ARHGEF16: variants seen among roughly 807,000 people sequenced by gnomAD.
The protein encoded by ARHGEF16 is Rho guanine exchange factor (GEF) 16.
ARHGEF16 carries 59 observed loss-of-function variants against 74.1 expected under a neutral mutation model. That is an observed-to-expected ratio of 0.80 (90% CI 0.65 to 0.99). The LOEUF (loss-of-function observed/expected upper bound fraction) is 0.99, where lower values mean the gene tolerates loss of function less well. Among genes scored for constraint, ARHGEF16 ranks in the 50% least tolerant of loss-of-function variants. The pLI is 0.00. For synonymous variants in ARHGEF16, 415 were observed against 412.6 expected (o/e 1.01, Z -0.07); for missense variants, 948 against 986.6 (o/e 0.96, Z 0.52).
chr1:3,454,724 C>A lies in ARHGEF16; in HGVS notation c.-107C>A, dbSNP rs992842927. On this transcript the variant is annotated 5_prime_UTR_variant, in exon 1 of 15. Coordinates refer to ENST00000378378, the MANE Select transcript of ARHGEF16 (RefSeq NM_014448.4). Reference sequence around the variant, plus strand: ...GGGCCGGACCGCGCTGCCGCAGGAGCGAAGCGGCTGCAGGACAGGACAGGA... The same window carrying A: ...GGGCCGGACCGCGCTGCCGCAGGAGAGAAGCGGCTGCAGGACAGGACAGGA... 1 of 152,076 alleles carries A rather than the reference C, an allele frequency of 6.6e-6. No individual in the cohort carries two copies. The highest frequency in any genetic ancestry group is 1.5e-5 in the Non-Finnish European group (1 of 68,018). The allele number at this position is 152,076 out of a possible 1,614,324, so 9.4% of individuals were successfully genotyped here.
At chr1:3,475,901 C>T (rs1383727003) in intron 9 of ARHGEF16, 69 bp from the exon 10 acceptor site, 11 of 1,466,794 alleles carry the variant, frequency 7.5e-6, no homozygotes, top group Non-Finnish European at 9.2e-6. Flanking sequence ...CCTGGGCACA[C>T]TGTGGGCCGT....
intron 12 of ARHGEF16, among the ~76,000 whole-genome samples, chr1:3,479,042 AG>A (rs1639980424): frequency 6.6e-6 from 1 of 152,198 alleles, no homozygotes; most frequent in South Asian, 2.1e-4. Flanking sequence ...CCTGGCCGGT[AG>A]GGGCCAGTTC....
intron 13 of ARHGEF16, 49 bp downstream of exon 13, chr1:3,479,639 A>C: frequency 6.3e-7 from 1 of 1,594,302 alleles, no homozygotes; most frequent in South Asian, 1.1e-5. Context: ...CGTGGCTGGC[A>C]CTTTGGCCCC....
rs1421014462 is a variant in ARHGEF16 at position 3,473,095 on chromosome 1, A to G, written c.1040A>G (p.Glu347Gly). Residue 347 changes from glutamate to glycine, a missense_variant, in exon 7 of 15, where the codon GAG becomes GGG. Physicochemically the swap from Glu to Gly is moderately conservative, Grantham distance 98. Transcript: ENST00000378378. ...GASQRFFEDL[E>G]QRHKAQVLVE... Reference sequence around the variant, plus strand: ...GCCTTCAGGTTCTTCGAGGACCTGGAGCAGCGGCACAAGGCCCAGGTGCTG... The same window carrying G: ...GCCTTCAGGTTCTTCGAGGACCTGGGGCAGCGGCACAAGGCCCAGGTGCTG... 6.2e-7 allele frequency: 1 copy of G among 1,613,036 alleles called. No individual in the cohort carries two copies. The highest frequency in any genetic ancestry group is 8.5e-7 in the Non-Finnish European group (1 of 1,179,812).
chr1:3,475,879 C>A, intron 9 of ARHGEF16, 91 bp from the exon 10 acceptor site: 1 of 1,316,562 alleles, frequency 7.6e-7, no homozygotes. Context: ...CAGAGGCTGG[C>A]TGGGCAGGTG....
At chr1:3,468,586 TC>T (rs966932149) in intron 4 of ARHGEF16, 232 of 433,978 alleles carry the variant, frequency 5.3e-4, no homozygotes, top group Middle Eastern at 2.0e-3. Context: ...TGGGACAAGA[TC>T]CCCCCCCGCC....
chr1:3,467,047 C>G, intron 3 of ARHGEF16, 121 bp from the exon 4 acceptor site: 1 of 1,095,488 alleles, frequency 9.1e-7, no homozygotes, highest in Non-Finnish European at 1.3e-6. Context: ...CCTCCCAAAG[C>G]CTCCCTCTCC....
At chr1:3,460,018 G>T (rs886236185) in intron 1 of ARHGEF16, among the ~76,000 whole-genome samples, 1 of 152,238 alleles carries the variant, frequency 6.6e-6, no homozygotes, top group Admixed American at 6.5e-5. Context: ...GGTGCTCGTT[G>T]ACTTTTGAAA....
rs370949450 is a variant in ARHGEF16, at chr1:3,469,259, G to A, written c.862-174G>A. Among the ~76,000 whole-genome samples, 9 of 152,272 alleles carry A rather than the reference G, an allele frequency of 5.9e-5. No homozygotes were observed. In the South Asian group the frequency reaches 1.7e-3, roughly 28 times the overall value. ...CCAGCCAGGGGCATCCAGGGACGTC[G>A]GGCTGGCATCTCCAAGCTGGCCATT... On this transcript the variant is annotated intron_variant, in intron 5 of 14. Transcript: ENST00000378378.
chr1:3,471,909 A>G (rs532810145), intron 6 of ARHGEF16: 1 of 857,942 alleles, frequency 1.2e-6, no homozygotes, highest in East Asian at 1.2e-4. Flanking sequence ...CTGCTCATCC[A>G]GCAACCGAGG....
At chr1:3,479,437 G>T (rs1328164823) in intron 12 of ARHGEF16, 80 bp from the exon 13 acceptor site, 1 of 1,506,680 alleles carries the variant, frequency 6.6e-7, no homozygotes, top group Non-Finnish European at 9.1e-7. Context: ...CGGCCCCCAT[G>T]GGTGGCTGTC....
At position 3,469,417 on chromosome 1, in the gene ARHGEF16, A is replaced by G. The variant is rs1639640688; in HGVS notation, c.862-16A>G. 1 of 1,612,440 alleles carries G rather than the reference A, an allele frequency of 6.2e-7. No homozygotes were observed. The highest frequency in any genetic ancestry group is 8.5e-7 in the Non-Finnish European group (1 of 1,179,730). On this transcript the variant is annotated splice_polypyrimidine_tract_variant and intron_variant, in intron 5 of 14. Transcript: ENST00000378378. ...TCCAGCGTCACTGTGGGGCTCACCT[A>G]GGCCCCTCTCCACAGGCCATGTTCG...
chr1:3,466,875 A>G, intron 3 of ARHGEF16: 1 of 314,768 alleles, frequency 3.2e-6, no homozygotes, highest in Non-Finnish European at 5.9e-6. Flanking sequence ...ATCCCTGGGA[A>G]GTGTCCCCAG....
Position 3,473,468 on chromosome 1 carries a change from C to G in ARHGEF16, c.1251C>G (p.Leu417=). Residue 417 remains leucine (L), a synonymous_variant, in exon 8 of 15, where the codon CTC becomes CTG. Transcript: ENST00000378378. ...CGGCGTGCGGGGGCCTGCCCATGCT[C>G]TCCTTCCTGATCCTCCCCATGCAGC... is the stretch of plus-strand genomic sequence containing the variant. ...RRPACGGLPM[L]SFLILPMQRV... is the part of the protein sequence containing the mutation. 6.2e-7 allele frequency: 1 copy of G among 1,612,518 alleles called. No homozygotes were observed. Among genetic ancestry groups the G allele is most frequent in the African/African-American group, 1.3e-5 (1 of 75,062 alleles).
At chr1:3,469,373 T>A (rs1243853005) in intron 5 of ARHGEF16, 60 bp from the exon 6 acceptor site, 6 of 1,586,736 alleles carry the variant, frequency 3.8e-6, no homozygotes, top group Admixed American at 1.7e-5. Context: ...CAAGCATTGG[T>A]CACCGAGGCA....
At chr1:3,461,618 G>T (rs1271560216) in intron 1 of ARHGEF16, among the ~76,000 whole-genome samples, 3 of 152,218 alleles carry the variant, frequency 2.0e-5, no homozygotes, top group Non-Finnish European at 4.4e-5. Flanking sequence ...GCAGCCCGGG[G>T]CGTGAAAGCT....
intron 1 of ARHGEF16, among the ~76,000 whole-genome samples, chr1:3,455,278 C>T (rs987414133): frequency 6.6e-6 from 1 of 151,988 alleles, no homozygotes; most frequent in South Asian, 2.1e-4. Flanking sequence ...GACACCCAAA[C>T]CTGCTTTGGC....
Position 3,478,470 on chromosome 1 carries a change from C to T in ARHGEF16, c.1672C>T (p.Gln558Ter). The change falls in exon 12 of 15, where the codon CAG becomes TAG. Residue 558 changes from glutamine to a stop codon, truncating the protein, a stop_gained. Coordinates refer to ENST00000378378, the MANE Select transcript of ARHGEF16 (RefSeq NM_014448.4). LOFTEE classifies it high-confidence loss of function. ...VQDYAQMNHIQVEKIEPSELP... is the reference protein window; with the variant it reads ...VQDYAQMNHI ...GGACTACGCCCAGATGAACCACATCCAGGTGGAGAAGATAGAGCCGTCTGA... is the reference window on the plus strand; with the variant it reads ...GGACTACGCCCAGATGAACCACATCTAGGTGGAGAAGATAGAGCCGTCTGA... 6 of 1,612,262 alleles carry T rather than the reference C, an allele frequency of 3.7e-6. No individual in the cohort carries two copies. Among genetic ancestry groups the T allele is most frequent in the Non-Finnish European group, 5.1e-6 (6 of 1,179,648 alleles).
chr1:3,474,834 T>TGGCC, intron 9 of ARHGEF16, 52 bp downstream of exon 9: 4 of 1,527,928 alleles, frequency 2.6e-6, no homozygotes, highest in Non-Finnish European at 1.8e-6. Context: ...CCCGACCCTG[T>TGGCC]CCCCACCCAA....
Sources: allele counts gnomAD v4.1 joint callset (sites outside exome capture counted in the v4.1 genomes callset), GRCh38; gene constraint gnomAD v4.1.1; transcripts MANE v1.5; gene names NCBI Gene and HGNC (gene_info 2026-07-23, HGNC 2026-07-21).